The following DRD2 variants were observed in gnomAD, a reference collection of about 807,000 sequenced individuals.
DRD2 encodes the protein dopamine receptor D2.
Under a neutral mutation model 38.0 loss-of-function variants are expected in DRD2, and 8 were observed. The ratio of observed to expected loss-of-function variants is 0.21; its 90% confidence interval spans 0.12 to 0.38. The LOEUF (loss-of-function observed/expected upper bound fraction) is 0.38. Among genes scored for constraint, DRD2 ranks in the 10% least tolerant of loss-of-function variants. The pLI is 1.00. For synonymous variants in DRD2, 230 were observed against 238.6 expected (o/e 0.96, Z 0.33); for missense variants, 403 against 607.7 (o/e 0.66, Z 3.54).
intron 1 of DRD2, among the ~76,000 whole-genome samples, chr11:113,434,639 A>G (rs536919663): frequency 5.1e-4 from 77 of 152,326 alleles, no homozygotes; most frequent in African/African-American, 1.7e-3. Context: ...GAGAGGTCAT[A>G]GCCAACACAC....
At chr11:113,453,212 T>C (rs894433184) in intron 1 of DRD2, among the ~76,000 whole-genome samples, 14 of 152,174 alleles carry the variant, frequency 9.2e-5, no homozygotes, top group Non-Finnish European at 1.9e-4. Flanking sequence ...CCTGGCTCCA[T>C]GCATACAATA....
intron 1 of DRD2, among the ~76,000 whole-genome samples, chr11:113,469,757 T>C (rs1216540268): frequency 6.6e-6 from 1 of 152,176 alleles, no homozygotes; most frequent in Non-Finnish European, 1.5e-5. Context: ...GGAGGATCAC[T>C]TGAGCCCAGG....
chr11:113,467,290 A>C (rs995891447), intron 1 of DRD2, among the ~76,000 whole-genome samples: 9 of 152,230 alleles, frequency 5.9e-5, no homozygotes, highest in African/African-American at 2.2e-4. Flanking sequence ...ATAGATGCAC[A>C]TCAATTACAA....
intron 1 of DRD2, among the ~76,000 whole-genome samples, chr11:113,466,435 G>GC (rs35826108): frequency 0.79 from 119,471 of 151,728 alleles, 49,597 homozygotes; most frequent in Middle Eastern, 0.94. Context: ...CCCCCCCAGT[G>GC]CATTTTCTCC....
chr11:113,416,937 G>A lies in DRD2; in HGVS notation c.458C>T (p.Thr153Ile). 2 of 1,614,178 alleles carry A rather than the reference G, an allele frequency of 1.2e-6. No individual in the cohort carries two copies. Among genetic ancestry groups the A allele is most frequent in the Non-Finnish European group, 1.7e-6 (2 of 1,180,008 alleles). The change falls in exon 4 of 8, where the codon ACC (threonine) becomes ATC (isoleucine). Residue 153 changes from threonine (T) to isoleucine (I), a missense_variant. Coordinates refer to ENST00000362072, the MANE Select transcript of DRD2 (RefSeq NM_000795.4). ...GACCCAGACGATGGAGATCATGACGGTGACCCGGCGCTTGGAGCTGTAGCG... is the reference window on the plus strand; with the variant it reads ...GACCCAGACGATGGAGATCATGACGATGACCCGGCGCTTGGAGCTGTAGCG... The part of the protein sequence containing the change: ...NTRYSSKRRV[T>I]VMISIVWVLS...
intron 6 of DRD2, 142 bp downstream of exon 6, chr11:113,414,233 G>T: frequency 1.2e-6 from 1 of 804,232 alleles, no homozygotes; most frequent in East Asian, 2.4e-5. Context: ...TGTGCACGGT[G>T]AGTCTGCCTT....
intron 4 of DRD2, among the ~76,000 whole-genome samples, chr11:113,416,243 G>A (rs897694602): frequency 6.6e-6 from 1 of 152,110 alleles, no homozygotes; most frequent in Non-Finnish European, 1.5e-5. Context: ...TTGTTGTTAC[G>A]ATCTCCAGAG....
chr11:113,417,785 A>T (rs1950841133), intron 3 of DRD2, among the ~76,000 whole-genome samples: 1 of 152,224 alleles, frequency 6.6e-6, no homozygotes, highest in Non-Finnish European at 1.5e-5. Context: ...CTTTTGTACC[A>T]GTCACTGTCT....
chr11:113,432,544 C>T (rs1042752720), intron 1 of DRD2, among the ~76,000 whole-genome samples: 9 of 152,146 alleles, frequency 5.9e-5, no homozygotes, highest in South Asian at 2.1e-4. Flanking sequence ...GGCTTGATGG[C>T]GGGTGAGACA....
chr11:113,439,179 T>G (rs1175759197), intron 1 of DRD2, among the ~76,000 whole-genome samples: 2 of 152,332 alleles, frequency 1.3e-5, no homozygotes, highest in East Asian at 3.9e-4. Flanking sequence ...CTGTCCTTTC[T>G]GTCTGATGCA....
intron 1 of DRD2, among the ~76,000 whole-genome samples, chr11:113,473,158 A>G (rs79861699): frequency 2.2e-4 from 33 of 152,298 alleles, no homozygotes; most frequent in African/African-American, 7.7e-4. Context: ...ATGCATTTTT[A>G]TATCTTCAAG....
At chr11:113,418,390 G>A (rs75646654) in intron 2 of DRD2, among the ~76,000 whole-genome samples, 1 of 152,264 alleles carries the variant, frequency 6.6e-6, no homozygotes, top group Non-Finnish European at 1.5e-5. Context: ...AACTTATACG[G>A]AGGGCCTCAA....
intron 1 of DRD2, among the ~76,000 whole-genome samples, chr11:113,431,219 T>G (rs1950983908): frequency 6.6e-6 from 1 of 152,234 alleles, no homozygotes; most frequent in Non-Finnish European, 1.5e-5. Context: ...TGACAGTGTT[T>G]CCTGGGTGGA....
intron 1 of DRD2, among the ~76,000 whole-genome samples, chr11:113,453,400 A>G (rs1285845021): frequency 6.6e-6 from 1 of 152,216 alleles, no homozygotes; most frequent in Non-Finnish European, 1.5e-5. Flanking sequence ...CTGGTATACC[A>G]TACGCACTCA....
chr11:113,466,930 C>T lies in DRD2; in HGVS notation c.-32+8146G>A, dbSNP rs545570054. On this transcript the variant is annotated intron_variant, in intron 1 of 7. Coordinates refer to ENST00000362072, the MANE Select transcript of DRD2 (RefSeq NM_000795.4). ...AAGTTGGCTCCTCACAGAAGACAGGCCACAAGGGAGATTTTGTGTCATTAG... is the reference window on the plus strand; with the variant it reads ...AAGTTGGCTCCTCACAGAAGACAGGTCACAAGGGAGATTTTGTGTCATTAG... Among the ~76,000 whole-genome samples the T allele has an allele frequency of 4.6e-5, 7 of 152,260 alleles. No homozygotes were observed. The South Asian group carries it at 1.5e-3, about 32-fold the overall frequency.
intron 1 of DRD2, among the ~76,000 whole-genome samples, chr11:113,426,249 G>A (rs375127781): frequency 9.5e-4 from 145 of 152,154 alleles, no homozygotes; most frequent in African/African-American, 2.8e-3. Context: ...GGATTTCTGC[G>A]TGGGGCTCTG....
chr11:113,450,056 T>C (rs1016577450), intron 1 of DRD2: 1 of 154,662 alleles, frequency 6.5e-6, no homozygotes, highest in Non-Finnish European at 1.5e-5. Context: ...ACGAATGCAA[T>C]GTTCACAAGT....
chr11:113,455,598 A>G (rs1591299120), intron 1 of DRD2, among the ~76,000 whole-genome samples: 1 of 152,190 alleles, frequency 6.6e-6, no homozygotes, highest in East Asian at 1.9e-4. Flanking sequence ...AAGACAAAAA[A>G]TAACCCTGTT....
chr11:113,473,552 A>C lies in DRD2; in HGVS notation c.-32+1524T>G, dbSNP rs114728410. Among the ~76,000 whole-genome samples, 668 of 152,360 alleles carry C rather than the reference A, an allele frequency of 4.4e-3. 3 individuals are homozygous for C. Among genetic ancestry groups the C allele is most frequent in the African/African-American group, 0.015 (611 of 41,576 alleles). On this transcript the variant is annotated intron_variant, in intron 1 of 7. Coordinates refer to ENST00000362072, the MANE Select transcript of DRD2 (RefSeq NM_000795.4). Reference sequence around the variant, plus strand: ...GGTAGAAGGAACTCAATGATCTTTAAGAGCTGGGACTACCCTGGCCCTCAT... The same window carrying C: ...GGTAGAAGGAACTCAATGATCTTTACGAGCTGGGACTACCCTGGCCCTCAT...
Sources: gnomAD v4.1 joint callset for allele counts (sites outside exome capture counted in the v4.1 genomes callset) on GRCh38, gnomAD v4.1.1 for gene constraint, MANE v1.5 for transcripts, NCBI Gene and HGNC (gene_info 2026-07-23, HGNC 2026-07-21) for gene names.